NRXN1: variants seen among roughly 807,000 people sequenced by gnomAD.
NRXN1 encodes the protein neurexin-1.
A neutral mutation model predicts 150.9 loss-of-function variants in NRXN1; 39 were observed. The observed-to-expected ratio is 0.26, with a 90% CI of 0.20 to 0.34. NRXN1 has a LOEUF of 0.34. Ranked by LOEUF, NRXN1 falls within the 10% of genes least tolerant of loss-of-function variation. The pLI is 1.00. For missense variants in NRXN1, 1,815 were observed against 1,949.9 expected (o/e 0.93, Z 1.30); for synonymous variants, 924 against 757.0 (o/e 1.22, Z -3.62).
intron 19 of NRXN1, among the ~76,000 whole-genome samples, chr2:50,081,724 A>C (rs1697993539): frequency 6.6e-6 from 1 of 152,224 alleles, no homozygotes; most frequent in African/African-American, 2.4e-5. Flanking sequence ...AAAATTGTTC[A>C]TCATACACCA....
chr2:50,274,305 C>T (rs1377741720), intron 17 of NRXN1, among the ~76,000 whole-genome samples: 1 of 152,080 alleles, frequency 6.6e-6, no homozygotes, highest in Non-Finnish European at 1.5e-5. Flanking sequence ...AACAGGAAAC[C>T]AAACACTGCA....
intron 2 of NRXN1, among the ~76,000 whole-genome samples, chr2:50,986,039 C>T (rs1396086276): frequency 6.6e-6 from 1 of 151,554 alleles, no homozygotes; most frequent in Non-Finnish European, 1.5e-5. Flanking sequence ...CCCATCTCCC[C>T]AGTAACTCTG....
At chr2:50,016,938 G>A (rs943582220) in intron 21 of NRXN1, among the ~76,000 whole-genome samples, 1 of 152,028 alleles carries the variant, frequency 6.6e-6, no homozygotes, top group African/African-American at 2.4e-5. Flanking sequence ...AATAATATCC[G>A]TAAGTAACAA....
intron 5 of NRXN1, among the ~76,000 whole-genome samples, chr2:50,668,902 C>T (rs1250530089): frequency 6.6e-6 from 1 of 151,784 alleles, no homozygotes; most frequent in Non-Finnish European, 1.5e-5. Flanking sequence ...AGATTCAAAC[C>T]CAGATGCATT....
At chr2:50,245,555 A>G (rs1178193886) in intron 17 of NRXN1, among the ~76,000 whole-genome samples, 1 of 151,926 alleles carries the variant, frequency 6.6e-6, no homozygotes, top group Admixed American at 6.6e-5. Context: ...AGAAAAATCT[A>G]TTTTGAAGAG....
At chr2:50,858,143 ATTGT>A (rs1376614957) in intron 5 of NRXN1, among the ~76,000 whole-genome samples, 1 of 151,538 alleles carries the variant, frequency 6.6e-6, no homozygotes, top group African/African-American at 2.4e-5. Flanking sequence ...CAAATGCTTC[ATTGT>A]TTGTGCATAA....
At chr2:50,869,628 C>T (rs1163716850) in intron 5 of NRXN1, among the ~76,000 whole-genome samples, 1 of 151,640 alleles carries the variant, frequency 6.6e-6, no homozygotes, top group Non-Finnish European at 1.5e-5. Context: ...ACATATAGAG[C>T]TACTGATGAC....
intron 5 of NRXN1, among the ~76,000 whole-genome samples, chr2:50,741,436 C>G (rs1217137297): frequency 6.6e-6 from 1 of 152,142 alleles, no homozygotes; most frequent in Non-Finnish European, 1.5e-5. Flanking sequence ...GCTCCTAATA[C>G]AAGAAAAGAA....
chr2:50,782,515 TA>T (rs1279023788), intron 5 of NRXN1, among the ~76,000 whole-genome samples: 1 of 152,108 alleles, frequency 6.6e-6, no homozygotes, highest in African/African-American at 2.4e-5. Context: ...GATGAATTCC[TA>T]AAGCTGGATT....
intron 17 of NRXN1, among the ~76,000 whole-genome samples, chr2:50,401,178 C>G (rs147369550): frequency 1.6e-3 from 239 of 152,224 alleles, no homozygotes; most frequent in African/African-American, 5.5e-3. Context: ...CTTCAGGTTC[C>G]TCATTCACAC....
chr2:50,012,256 T>C (rs1192153236), intron 21 of NRXN1, among the ~76,000 whole-genome samples: 1 of 152,092 alleles, frequency 6.6e-6, no homozygotes, highest in Non-Finnish European at 1.5e-5. Flanking sequence ...GAAATAAGCA[T>C]AAAATGTTTT....
At chr2:50,793,367 A>G (rs1457624796) in intron 5 of NRXN1, among the ~76,000 whole-genome samples, 4 of 152,102 alleles carry the variant, frequency 2.6e-5, no homozygotes, top group Non-Finnish European at 5.9e-5. Context: ...ATGTATGAAT[A>G]TCCACTGAGT....
intron 18 of NRXN1, among the ~76,000 whole-genome samples, chr2:50,112,464 CTTATTCCGACT>C (rs1702507041): frequency 6.6e-6 from 1 of 152,236 alleles, no homozygotes; most frequent in African/African-American, 2.4e-5. Flanking sequence ...CACAAGTCTG[CTTATTCCGACT>C]TTAGTCTTGA....
intron 17 of NRXN1, among the ~76,000 whole-genome samples, chr2:50,326,240 G>C (rs1390845860): frequency 1.3e-5 from 2 of 151,998 alleles, no homozygotes; most frequent in African/African-American, 2.4e-5. Context: ...TAAATGCCAG[G>C]AATTATTAAC....
chr2:50,399,624 G>A (rs912767758), intron 17 of NRXN1, among the ~76,000 whole-genome samples: 1 of 151,626 alleles, frequency 6.6e-6, no homozygotes, highest in Non-Finnish European at 1.5e-5. Flanking sequence ...AGTTAGGCTT[G>A]CCTAACCCAG....
chr2:50,306,918 A>G (rs958771136), intron 17 of NRXN1, among the ~76,000 whole-genome samples: 3 of 152,196 alleles, frequency 2.0e-5, no homozygotes, highest in African/African-American at 4.8e-5. Context: ...TGCATGTCAT[A>G]TATTAAACAA....
intron 17 of NRXN1, among the ~76,000 whole-genome samples, chr2:50,371,091 A>G (rs1481741974): frequency 6.6e-6 from 1 of 152,064 alleles, no homozygotes; most frequent in Non-Finnish European, 1.5e-5. Flanking sequence ...TCAAGTGGAT[A>G]AACTTAGCAA....
At chr2:50,677,361 G>C (rs1181247205) in intron 5 of NRXN1, among the ~76,000 whole-genome samples, 4 of 152,124 alleles carry the variant, frequency 2.6e-5, no homozygotes, top group Non-Finnish European at 5.9e-5. Context: ...TCTGGGATAA[G>C]TCAGTGGTAT....
intron 2 of NRXN1, among the ~76,000 whole-genome samples, chr2:50,981,546 A>G (rs1696816094): frequency 6.6e-6 from 1 of 150,616 alleles, no homozygotes. Flanking sequence ...CTCTTCAGCC[A>G]TTTGTATTAC....
Sources: allele counts gnomAD v4.1 joint callset (sites outside exome capture counted in the v4.1 genomes callset), GRCh38; gene constraint gnomAD v4.1.1; transcripts MANE v1.5; gene names NCBI Gene and HGNC (gene_info 2026-07-23, HGNC 2026-07-21).